NEK11: variants seen among roughly 807,000 people sequenced by gnomAD.
NEK11 encodes NIMA related kinase 11.
In NEK11, 72 loss-of-function variants were observed where a neutral mutation model predicts 80.7. The ratio of observed to expected loss-of-function variants is 0.89; its 90% confidence interval spans 0.74 to 1.08. NEK11 has a LOEUF of 1.08. Ranked by LOEUF, NEK11 falls within the 50% of genes least tolerant of loss-of-function variation. The pLI is 0.00. For missense variants in NEK11, 764 were observed against 763.6 expected, an observed-to-expected ratio of 1.00 and a Z score of -0.01; for synonymous variants, 251 against 260.7, an observed-to-expected ratio of 0.96 and a Z score of 0.36.
chr3:131,055,480 A>G (rs2110116586), intron 3 of NEK11, among the ~76,000 whole-genome samples: 1 of 152,322 alleles, frequency 6.6e-6, no homozygotes, highest in Middle Eastern at 3.4e-3. Flanking sequence ...TCACTCCTGT[A>G]TTCTTAGCAC....
At chr3:131,092,243 CTT>C (rs894281732) in intron 4 of NEK11, among the ~76,000 whole-genome samples, 2 of 152,096 alleles carry the variant, frequency 1.3e-5, no homozygotes, top group Non-Finnish European at 2.9e-5. Flanking sequence ...CTTATGTTCT[CTT>C]TGTGTTTTTG....
At chr3:131,217,723 G>A (rs1386101056) in intron 14 of NEK11, among the ~76,000 whole-genome samples, 1 of 151,968 alleles carries the variant, frequency 6.6e-6, no homozygotes, top group Admixed American at 6.6e-5. Context: ...CTTGTTCCCT[G>A]GCAGAAGGGA....
chr3:131,296,361 A>T (rs369973528), intron 17 of NEK11, among the ~76,000 whole-genome samples: 32 of 152,310 alleles, frequency 2.1e-4, no homozygotes, highest in African/African-American at 7.7e-4. Flanking sequence ...GTTGTCTGTT[A>T]GATTAAGAAA....
At chr3:131,230,701 C>CA (rs1710552292) in intron 15 of NEK11, among the ~76,000 whole-genome samples, 1 of 152,116 alleles carries the variant, frequency 6.6e-6, no homozygotes, top group South Asian at 2.1e-4. Flanking sequence ...GGTTGTATAT[C>CA]TATCACATGT....
intron 16 of NEK11, among the ~76,000 whole-genome samples, chr3:131,244,622 AT>A (rs1274219632): frequency 6.6e-6 from 1 of 152,080 alleles, no homozygotes; most frequent in African/African-American, 2.4e-5. Flanking sequence ...CTCTTTAAAA[AT>A]ATTTTAAAAT....
At chr3:131,291,814 T>C (rs2096546070) in intron 17 of NEK11, among the ~76,000 whole-genome samples, 1 of 152,228 alleles carries the variant, frequency 6.6e-6, no homozygotes. Context: ...TGTTGAGTTT[T>C]AAGAGTTCTT....
intron 4 of NEK11, among the ~76,000 whole-genome samples, chr3:131,107,647 T>C (rs2079414463): frequency 6.6e-6 from 1 of 152,098 alleles, no homozygotes; most frequent in Admixed American, 6.6e-5. Context: ...CAAAAGCCCT[T>C]CATATATGCA....
intron 3 of NEK11, among the ~76,000 whole-genome samples, chr3:131,047,091 C>A (rs1279983626): frequency 6.6e-6 from 1 of 152,106 alleles, no homozygotes; most frequent in Non-Finnish European, 1.5e-5. Context: ...TGAGACTTTT[C>A]AGTGCATTTT....
At chr3:131,180,079 T>A (rs1194769653) in intron 14 of NEK11, among the ~76,000 whole-genome samples, 2 of 152,116 alleles carry the variant, frequency 1.3e-5, no homozygotes, top group African/African-American at 4.8e-5. Flanking sequence ...ACCACCACCA[T>A]CTCAGCATTT....
chr3:131,177,278 A>G (rs925345020), intron 14 of NEK11, among the ~76,000 whole-genome samples: 1 of 152,218 alleles, frequency 6.6e-6, no homozygotes, highest in Non-Finnish European at 1.5e-5. Flanking sequence ...ATTTTAAGGA[A>G]CATAATTTCT....
chr3:131,277,100 G>T (rs898826611), intron 17 of NEK11, among the ~76,000 whole-genome samples: 4 of 152,060 alleles, frequency 2.6e-5, no homozygotes, highest in Non-Finnish European at 5.9e-5. Flanking sequence ...AAGAAATATT[G>T]TTTGTCCTGA....
intron 17 of NEK11, among the ~76,000 whole-genome samples, chr3:131,347,324 G>A (rs571296761): frequency 6.6e-6 from 1 of 152,176 alleles, no homozygotes; most frequent in Non-Finnish European, 1.5e-5. Flanking sequence ...AGTTCATAAG[G>A]AGCATTTGAA....
At chr3:131,295,472 C>T (rs2096583859) in intron 17 of NEK11, among the ~76,000 whole-genome samples, 1 of 152,062 alleles carries the variant, frequency 6.6e-6, no homozygotes, top group African/African-American at 2.4e-5. Context: ...ACGTGTAGTA[C>T]GTTATCATGC....
chr3:131,174,994 T>C, intron 14 of NEK11: 6 of 1,355,582 alleles, frequency 4.4e-6, no homozygotes, highest in Non-Finnish European at 5.7e-6. Flanking sequence ...CAGAGATAGC[T>C]CAGACCTGTA....
At chr3:131,162,934 T>C (rs990581278) in intron 11 of NEK11, among the ~76,000 whole-genome samples, 4 of 152,192 alleles carry the variant, frequency 2.6e-5, no homozygotes, top group African/African-American at 9.7e-5. Flanking sequence ...GAGACTTTAT[T>C]GGCAGGAAAT....
intron 14 of NEK11, among the ~76,000 whole-genome samples, chr3:131,208,266 A>G (rs1462634728): frequency 6.6e-6 from 1 of 152,204 alleles, no homozygotes; most frequent in South Asian, 2.1e-4. Flanking sequence ...GTCAAAGATC[A>G]GATGATTGTA....
At chr3:131,232,671 C>T (rs181889240) in intron 15 of NEK11, among the ~76,000 whole-genome samples, 26 of 152,222 alleles carry the variant, frequency 1.7e-4, no homozygotes, top group African/African-American at 5.1e-4. Flanking sequence ...AACATTGTCC[C>T]GGGGCAGAGA....
chr3:131,063,312 A>C (rs577944484), intron 3 of NEK11, among the ~76,000 whole-genome samples: 3 of 152,350 alleles, frequency 2.0e-5, no homozygotes, highest in Non-Finnish European at 4.4e-5. Flanking sequence ...GTTGTGAGCC[A>C]CTGCATCTAG....
intron 14 of NEK11, among the ~76,000 whole-genome samples, chr3:131,207,540 G>C (rs2150467184): frequency 6.6e-6 from 1 of 152,138 alleles, no homozygotes; most frequent in African/African-American, 2.4e-5. Flanking sequence ...CCGAGCCTGG[G>C]TGCACTCCAG....
Sources: allele counts gnomAD v4.1 joint callset (sites outside exome capture counted in the v4.1 genomes callset), GRCh38; gene constraint gnomAD v4.1.1; transcripts MANE v1.5; gene names NCBI Gene and HGNC (gene_info 2026-07-23, HGNC 2026-07-21).